The following OXSR1 variants were observed in gnomAD, a reference collection of about 807,000 sequenced individuals.
OXSR1 encodes oxidative stress responsive kinase 1.
Under a neutral mutation model 79.8 loss-of-function variants are expected in OXSR1, and 24 were observed. The observed-to-expected ratio is 0.30, with a 90% CI of 0.22 to 0.42. The LOEUF (loss-of-function observed/expected upper bound fraction) is 0.42, where lower values mean the gene tolerates loss of function less well. OXSR1 is among the 10% of genes least tolerant of loss of function. The probability of loss-of-function intolerance (pLI) is 1.00; values close to 1 mark genes in which losing one functional copy is unlikely to be tolerated. For synonymous variants in OXSR1, 226 were observed against 209.2 expected (o/e 1.08, Z -0.69); for missense variants, 430 against 618.4 (o/e 0.70, Z 3.23).
chr3:38,178,977 A>G (rs166631), intron 1 of OXSR1, among the ~76,000 whole-genome samples: 144,290 of 149,894 alleles, frequency 0.96, 69,472 homozygotes, highest in East Asian at 1. Context: ...GATCCTCCCC[A>G]CCTCAGGCTC....
At chr3:38,189,678 C>T (rs968054664) in intron 2 of OXSR1, among the ~76,000 whole-genome samples, 1 of 152,210 alleles carries the variant, frequency 6.6e-6, no homozygotes, top group Non-Finnish European at 1.5e-5. Flanking sequence ...GTATTTCATT[C>T]ATTCAACAAA....
intron 9 of OXSR1, among the ~76,000 whole-genome samples, chr3:38,230,047 A>G (rs1454763157): frequency 6.6e-6 from 1 of 152,148 alleles, no homozygotes; most frequent in Non-Finnish European, 1.5e-5. Context: ...TAAACATCTC[A>G]TTTCCCAAAT....
upstream of OXSR1, among the ~76,000 whole-genome samples, chr3:38,164,668 C>G (rs1484692353): frequency 6.6e-6 from 1 of 152,208 alleles, no homozygotes; most frequent in East Asian, 1.9e-4. Flanking sequence ...AGACAACCCC[C>G]AAATCCGTGG....
intron 10 of OXSR1, 94 bp downstream of exon 10, chr3:38,230,524 G>A: frequency 1.2e-6 from 1 of 810,928 alleles, no homozygotes; most frequent in Non-Finnish European, 2.1e-6. Flanking sequence ...TAGTATATGA[G>A]AATTACTGGT....
chr3:38,243,790 T>C (rs1703083197), intron 12 of OXSR1, among the ~76,000 whole-genome samples: 1 of 152,222 alleles, frequency 6.6e-6, no homozygotes, highest in Non-Finnish European at 1.5e-5. Flanking sequence ...CAGGCCGATA[T>C]CTGTTAACTT....
intron 1 of OXSR1, among the ~76,000 whole-genome samples, chr3:38,178,498 G>A (rs903427538): frequency 6.6e-6 from 1 of 151,202 alleles, no homozygotes; most frequent in African/African-American, 2.4e-5. Flanking sequence ...GAGTGTGGTG[G>A]GGTGGTCTCG....
rs1260336348 is a variant in OXSR1, at chr3:38,254,860, C to G, written c.*1969C>G. 6.6e-6 allele frequency: 1 copy of G among 152,536 alleles called. No individual in the cohort carries two copies. Among genetic ancestry groups the G allele is most frequent in the Non-Finnish European group, 1.5e-5 (1 of 68,038 alleles). 9.4% of individuals were successfully genotyped at this position (152,536 alleles called of 1,614,324 possible). A position where few individuals can be genotyped will look rare whatever the true frequency, so the allele number is the denominator to read the frequency against. On this transcript the variant is annotated 3_prime_UTR_variant, in exon 18 of 18. Coordinates refer to ENST00000311806, the MANE Select transcript of OXSR1 (RefSeq NM_005109.3). Reference sequence around the variant, plus strand: ...GCAGCCCATCCCCTGTTCACTTTCTCTAGCCCATCATTACCTGTGAACTGC... The same window carrying G: ...GCAGCCCATCCCCTGTTCACTTTCTGTAGCCCATCATTACCTGTGAACTGC...
At chr3:38,232,538 T>C (rs1702832833) in intron 10 of OXSR1, among the ~76,000 whole-genome samples, 1 of 152,062 alleles carries the variant, frequency 6.6e-6, no homozygotes, top group African/African-American at 2.4e-5. Context: ...ATGGATTGCT[T>C]GAGCTCAGGA....
At chr3:38,194,230 G>T (rs1411548967) in intron 3 of OXSR1, among the ~76,000 whole-genome samples, 3 of 152,162 alleles carry the variant, frequency 2.0e-5, no homozygotes, top group Non-Finnish European at 4.4e-5. Flanking sequence ...GCCTCTGGAG[G>T]TGAAGTCCAA....
upstream of OXSR1, among the ~76,000 whole-genome samples, chr3:38,164,424 G>A (rs1316346715): frequency 6.6e-6 from 1 of 152,242 alleles, no homozygotes. Context: ...GGGATTACAG[G>A]CGTGAGCCAC....
At chr3:38,171,176 A>G (rs1701574226) in intron 1 of OXSR1, among the ~76,000 whole-genome samples, 1 of 152,178 alleles carries the variant, frequency 6.6e-6, no homozygotes, top group African/African-American at 2.4e-5. Context: ...CCATTTTCCC[A>G]ACAGGGAGAA....
At chr3:38,183,172 A>G (rs1485485841) in intron 2 of OXSR1, 57 bp downstream of exon 2, 5 of 796,336 alleles carry the variant, frequency 6.3e-6, no homozygotes, top group Admixed American at 6.1e-5. Flanking sequence ...TCACATTACA[A>G]TGGGAAATAA....
At chr3:38,182,339 C>G (rs970951853) in intron 1 of OXSR1, among the ~76,000 whole-genome samples, 1 of 152,196 alleles carries the variant, frequency 6.6e-6, no homozygotes, top group Non-Finnish European at 1.5e-5. Context: ...GCTACTGTTT[C>G]AGGCATAGTG....
intron 8 of OXSR1, among the ~76,000 whole-genome samples, chr3:38,225,911 T>C (rs1002239848): frequency 5.3e-5 from 8 of 152,060 alleles, no homozygotes; most frequent in African/African-American, 1.9e-4. Context: ...AGCTAAGAAC[T>C]TCAGATGTCA....
chr3:38,186,744 T>C (rs1294339827), intron 2 of OXSR1, among the ~76,000 whole-genome samples: 1 of 152,202 alleles, frequency 6.6e-6, no homozygotes, highest in Non-Finnish European at 1.5e-5. Flanking sequence ...ACTTCTTGGC[T>C]TTTATCAGTA....
At chr3:38,198,690 G>C in intron 3 of OXSR1, 32 bp from the exon 4 acceptor site, 1 of 1,570,090 alleles carries the variant, frequency 6.4e-7, no homozygotes, top group Non-Finnish European at 8.7e-7. Context: ...ATGATTTAGA[G>C]ATTTTTAGAA....
intron 4 of OXSR1, among the ~76,000 whole-genome samples, chr3:38,211,526 T>A (rs1308087033): frequency 6.6e-6 from 1 of 152,248 alleles, no homozygotes; most frequent in African/African-American, 2.4e-5. Context: ...CTTAAATGTT[T>A]TATAAAGATA....
At chr3:38,172,093 G>A (rs1381897900) in intron 1 of OXSR1, among the ~76,000 whole-genome samples, 1 of 152,086 alleles carries the variant, frequency 6.6e-6, no homozygotes, top group Non-Finnish European at 1.5e-5. Flanking sequence ...TATTATCTCT[G>A]ACTTTTTTTT....
At chr3:38,203,578 T>C (rs1222664476) in intron 4 of OXSR1, among the ~76,000 whole-genome samples, 4 of 152,198 alleles carry the variant, frequency 2.6e-5, no homozygotes, top group Middle Eastern at 3.2e-3. Context: ...TGGACTCTTA[T>C]AGACTCATAG....
Sources: allele counts gnomAD v4.1 joint callset (sites outside exome capture counted in the v4.1 genomes callset), GRCh38; gene constraint gnomAD v4.1.1; transcripts MANE v1.5; gene names NCBI Gene and HGNC (gene_info 2026-07-23, HGNC 2026-07-21).